The following PRRC2B variants were observed in gnomAD, a reference collection of about 807,000 sequenced individuals.
The protein encoded by PRRC2B is proline rich coiled-coil 2B.
A neutral mutation model predicts 242.3 loss-of-function variants in PRRC2B; 68 were observed. The observed-to-expected ratio is 0.28, with a 90% CI of 0.23 to 0.34. PRRC2B has a LOEUF of 0.34. Among genes scored for constraint, PRRC2B ranks in the 10% least tolerant of loss-of-function variants. The probability of loss-of-function intolerance (pLI) is 1.00; values close to 1 mark genes in which losing one functional copy is unlikely to be tolerated. For synonymous variants in PRRC2B, 1,228 were observed against 1,173.6 expected (o/e 1.05, Z -0.95); for missense variants, 2,835 against 2,954.8 (o/e 0.96, Z 0.94).
intron 6 of PRRC2B, among the ~76,000 whole-genome samples, chr9:131,445,804 C>T (rs906013687): frequency 2.0e-5 from 3 of 152,288 alleles, no homozygotes; most frequent in East Asian, 1.9e-4. Context: ...AATTTCCACC[C>T]GATCTTACCA....
chr9:131,419,552 G>T (rs1358080571), intron 1 of PRRC2B, among the ~76,000 whole-genome samples: 3 of 152,166 alleles, frequency 2.0e-5, no homozygotes, highest in African/African-American at 7.2e-5. Flanking sequence ...ATAATTGGGT[G>T]GGCTGGAGAG....
In PRRC2B at chr9:131,447,068, T is replaced by G. The variant is rs369463647; in HGVS notation, c.856-17T>G. 28 of 1,613,850 alleles carry G rather than the reference T, an allele frequency of 1.7e-5. No individual in the cohort carries two copies. The African/African-American group carries it at 3.5e-4, about 20-fold the overall frequency. The stretch of plus-strand genomic sequence containing the variant: ...AGCCATTACCAGCAAATCCTGTTCA[T>G]TGATGTTATGTTTCAGATGTGTTCG... On this transcript the variant is annotated splice_polypyrimidine_tract_variant and intron_variant, in intron 7 of 31. Coordinates refer to ENST00000683519, the MANE Select transcript of PRRC2B (RefSeq NM_013318.4).
At chr9:131,458,520 A>G (rs1331777948) in intron 10 of PRRC2B, among the ~76,000 whole-genome samples, 1 of 149,370 alleles carries the variant, frequency 6.7e-6, no homozygotes, top group African/African-American at 2.5e-5. Context: ...TTTTTTTCTG[A>G]GACGGAGTCT....
intron 4 of PRRC2B, among the ~76,000 whole-genome samples, chr9:131,438,388 C>T (rs969230847): frequency 2.6e-5 from 4 of 152,112 alleles, no homozygotes; most frequent in Non-Finnish European, 4.4e-5. Flanking sequence ...GGTGAGCATT[C>T]AGTCAGGCTG....
rs1350840653 is a variant in PRRC2B at position 131,455,064 on chromosome 9, C to T, written c.1121-12C>T. 1 of 1,605,052 alleles carries T rather than the reference C, an allele frequency of 6.2e-7. No individual in the cohort carries two copies. Among genetic ancestry groups the T allele is most frequent in the Non-Finnish European group, 8.5e-7 (1 of 1,172,794 alleles). On this transcript the variant is annotated splice_polypyrimidine_tract_variant and intron_variant, in intron 9 of 31. Coordinates refer to ENST00000683519, the MANE Select transcript of PRRC2B (RefSeq NM_013318.4). The stretch of plus-strand genomic sequence containing the variant: ...TCTTTCTCATTCTTCCTGGGCCCTC[C>T]TGCTGTTGTAGGCCTCCATGAAGAA...
At chr9:131,400,868 C>A (rs1837209146) in intron 1 of PRRC2B, among the ~76,000 whole-genome samples, 1 of 152,084 alleles carries the variant, frequency 6.6e-6, no homozygotes, top group South Asian at 2.1e-4. Flanking sequence ...ATGGATGCCC[C>A]ATTGACTCCT....
At chr9:131,459,103 G>T (rs1211580656) in intron 10 of PRRC2B, 61 bp from the exon 11 acceptor site, 23 of 1,488,944 alleles carry the variant, frequency 1.5e-5, no homozygotes, top group Non-Finnish European at 2.0e-5. Context: ...CCTCTGACCA[G>T]TGAGATCAGA....
intron 6 of PRRC2B, among the ~76,000 whole-genome samples, chr9:131,445,162 C>T (rs1274212741): frequency 6.6e-6 from 1 of 151,676 alleles, no homozygotes; most frequent in Non-Finnish European, 1.5e-5. Flanking sequence ...GTTTATTTTG[C>T]TGCTTTTTTT....
chr9:131,391,211 G>A (rs1836896744), upstream of PRRC2B, among the ~76,000 whole-genome samples: 1 of 151,988 alleles, frequency 6.6e-6, no homozygotes, highest in African/African-American at 2.4e-5. Flanking sequence ...TTAAAGTTCT[G>A]GAGGTCACGG....
chr9:131,400,734 C>T (rs1837206627), intron 1 of PRRC2B, among the ~76,000 whole-genome samples: 2 of 152,288 alleles, frequency 1.3e-5, no homozygotes, highest in East Asian at 1.9e-4. Flanking sequence ...TCATGAGCCA[C>T]TAGGTTCTGG....
At chr9:131,389,143 C>CT (rs1480602409), upstream of PRRC2B, among the ~76,000 whole-genome samples, 1 of 137,348 alleles carries the variant, frequency 7.3e-6, no homozygotes, top group African/African-American at 2.7e-5. Flanking sequence ...CGCCTGGCTC[C>CT]TTTCAATTTT....
At chr9:131,401,123 A>G (rs958168859) in intron 1 of PRRC2B, among the ~76,000 whole-genome samples, 1 of 151,722 alleles carries the variant, frequency 6.6e-6, no homozygotes, top group African/African-American at 2.4e-5. Context: ...TTCTCTTTAT[A>G]GCAGTTTTCA....
At chr9:131,430,314 C>T in intron 2 of PRRC2B, 55 bp downstream of exon 2, 3 of 1,094,220 alleles carry the variant, frequency 2.7e-6, no homozygotes, top group South Asian at 2.7e-5. Context: ...TGACATATCC[C>T]AGAAACCCAG....
chr9:131,381,535 C>T (rs912790740), intron 1 of PRRC2B, among the ~76,000 whole-genome samples: 1 of 150,442 alleles, frequency 6.6e-6, no homozygotes, highest in African/African-American at 2.5e-5. Flanking sequence ...TCTCCTGCCT[C>T]AGCCTCCTGA....
intron 9 of PRRC2B, among the ~76,000 whole-genome samples, chr9:131,448,460 C>T (rs1335805242): frequency 1.4e-5 from 2 of 143,304 alleles, no homozygotes; most frequent in Non-Finnish European, 3.0e-5. Flanking sequence ...AGGAGAATCA[C>T]TTGAACCTGG....
intron 6 of PRRC2B, among the ~76,000 whole-genome samples, chr9:131,444,839 G>A (rs1220039253): frequency 6.6e-6 from 1 of 152,182 alleles, no homozygotes; most frequent in Non-Finnish European, 1.5e-5. Context: ...CTTAGGTCGG[G>A]CCAGGGAAGT....
rs1273277810 is a variant in PRRC2B at position 131,475,238 on chromosome 9, G to C, written c.3109G>C (p.Glu1037Gln). The change falls in exon 16 of 32, where the codon GAG becomes CAG. Residue 1037 changes from glutamate to glutamine, a missense_variant. Coordinates refer to ENST00000683519, the MANE Select transcript of PRRC2B (RefSeq NM_013318.4). The stretch of plus-strand genomic sequence containing the variant: ...GGCCTGGGAAGCCAGACCCCCACGA[G>C]AGTCCAGCGATGTTCCCCCCATGAA... Reference protein sequence around the residue: ...DKAWEARPPRESSDVPPMKRN... With the variant: ...DKAWEARPPRQSSDVPPMKRN... 6.2e-7 allele frequency: 1 copy of C among 1,613,456 alleles called. No homozygotes were observed. Among genetic ancestry groups the C allele is most frequent in the Non-Finnish European group, 8.5e-7 (1 of 1,179,716 alleles).
chr9:131,390,476 C>CTTTTTTTTT (rs10688559), upstream of PRRC2B, among the ~76,000 whole-genome samples: 1 of 41,226 alleles, frequency 2.4e-5, no homozygotes, highest in Non-Finnish European at 4.1e-5. Flanking sequence ...CCTAGCTTGC[C>CTTTTTTTTT]TTTTTTTTTT....
chr9:131,395,704 G>T (rs1329396288), intron 1 of PRRC2B, among the ~76,000 whole-genome samples: 4 of 152,206 alleles, frequency 2.6e-5, no homozygotes, highest in Non-Finnish European at 5.9e-5. Flanking sequence ...GATGCCACAG[G>T]TGCTGGCCTA....
Sources: allele counts gnomAD v4.1 joint callset (sites outside exome capture counted in the v4.1 genomes callset), GRCh38; gene constraint gnomAD v4.1.1; transcripts MANE v1.5; gene names NCBI Gene and HGNC (gene_info 2026-07-23, HGNC 2026-07-21).